Variants in HIF1AN observed in about 807,000 individuals in gnomAD.
HIF1AN encodes hypoxia-inducible factor 1-alpha inhibitor.
HIF1AN carries 21 observed loss-of-function variants against 47.7 expected under a neutral mutation model. The observed-to-expected ratio is 0.44, with a 90% CI of 0.31 to 0.63. HIF1AN has a LOEUF of 0.63. Among genes scored for constraint, HIF1AN ranks in the 30% least tolerant of loss-of-function variants. The pLI is 0.07. For synonymous variants in HIF1AN, 152 were observed against 155.9 expected (o/e 0.98, Z 0.18); for missense variants, 320 against 432.7 (o/e 0.74, Z 2.31).
rs777744858 is a variant in HIF1AN, at chr10:100,546,499, C to G, written c.831-19C>G. The G allele has an allele frequency of 6.8e-7, 1 of 1,474,868 alleles. No homozygotes were observed. The highest frequency in any genetic ancestry group is 1.1e-5 in the South Asian group (1 of 89,060). 91.4% of individuals were successfully genotyped at this position (1,474,868 alleles called of 1,614,324 possible). On this transcript the variant is annotated intron_variant, in intron 5 of 7. Transcript: ENST00000299163. ...CAAAAGTATCAGTAGTAAACAGGAG[C>G]CTGTTTGTTTTCTTGCAGGTGGCAT...
At position 100,556,820 on chromosome 10, in the gene HIF1AN, TA is replaced by T. The variant is rs1477022437; in HGVS notation, c.*8684del. ...AATAGCACATAACTTGTAGCATTGTTATAAGGGCTCGTGATAATGTTTTTAA... is the reference window on the plus strand; with the variant it reads ...AATAGCACATAACTTGTAGCATTGTTTAAGGGCTCGTGATAATGTTTTTAA... On this transcript the variant is annotated 3_prime_UTR_variant, in exon 8 of 8. Transcript: ENST00000299163. 1.6e-4 allele frequency: 25 copies of T among 152,340 alleles called. No individual in the cohort carries two copies. The highest frequency in any genetic ancestry group is 5.8e-4 in the African/African-American group (24 of 41,572). The allele number at this position is 152,340 out of a possible 1,614,324, so 9.4% of individuals were successfully genotyped here. A position where few individuals can be genotyped will look rare whatever the true frequency, so the allele number is the denominator to read the frequency against.
chr10:100,547,481 C>A lies in HIF1AN; in HGVS notation c.1005+231C>A, dbSNP rs368102176. On this transcript the variant is annotated intron_variant, in intron 7 of 7. Transcript: ENST00000299163. Reference sequence around the variant, plus strand: ...TAATGTTCCCCATGGGTATTATGTACCATCTGGGGACCCCCTGAGGGGATT... The same window carrying A: ...TAATGTTCCCCATGGGTATTATGTAACATCTGGGGACCCCCTGAGGGGATT... 2.6e-5 allele frequency among the ~76,000 whole-genome samples: 4 copies of A among 152,332 alleles called. No homozygotes were observed. The East Asian group carries it at 7.7e-4, about 29-fold the overall frequency.
intron 1 of HIF1AN, 132 bp from the exon 2 acceptor site, chr10:100,536,279 A>C: frequency 7.5e-7 from 1 of 1,324,898 alleles, no homozygotes; most frequent in Non-Finnish European, 1.0e-6. Flanking sequence ...GGAGATACGG[A>C]ACTTAGGGGT....
chr10:100,545,574 C>G (rs1020466808), intron 4 of HIF1AN: 2 of 217,260 alleles, frequency 9.2e-6, no homozygotes, highest in Non-Finnish European at 1.8e-5. Flanking sequence ...AGAAAGCTGT[C>G]TAGCTACTTC....
At position 100,548,220 on chromosome 10, in the gene HIF1AN, G is replaced by T; in HGVS notation, c.*83G>T. 1 of 1,209,414 alleles carries T rather than the reference G, an allele frequency of 8.3e-7. No homozygotes were observed. The highest frequency in any genetic ancestry group is 1.5e-5 in the South Asian group (1 of 67,444). The allele number at this position is 1,209,414 out of a possible 1,614,324, so 74.9% of individuals were successfully genotyped here. On this transcript the variant is annotated 3_prime_UTR_variant, in exon 8 of 8. Coordinates refer to ENST00000299163, the MANE Select transcript of HIF1AN (RefSeq NM_017902.3). The stretch of plus-strand genomic sequence containing the variant: ...TTGATGAGGACAGGAGACTCCAAGC[G>T]CTAGTATTGCACGCTGCACTTAATG...
In HIF1AN at chr10:100,557,635, G is replaced by A. The variant is rs865845773; in HGVS notation, c.*9498G>A. ...AATTTTGTATTTTTAGTAGAGATGG[G>A]GTTTCTCCATGTTGGTCAGGCTGGT... On this transcript the variant is annotated 3_prime_UTR_variant, in exon 8 of 8. Coordinates refer to ENST00000299163, the MANE Select transcript of HIF1AN (RefSeq NM_017902.3). The A allele has an allele frequency of 2.6e-5, 4 of 152,078 alleles. No homozygotes were observed. Among genetic ancestry groups the A allele is most frequent in the Non-Finnish European group, 5.9e-5 (4 of 68,024 alleles). The allele number at this position is 152,078 out of a possible 1,614,324, so 9.4% of individuals were successfully genotyped here.
In HIF1AN at chr10:100,546,829, T is replaced by C. The variant is rs181640014; in HGVS notation, c.894+248T>C. On this transcript the variant is annotated intron_variant, in intron 6 of 7. Coordinates refer to ENST00000299163, the MANE Select transcript of HIF1AN (RefSeq NM_017902.3). ...ATCTCGGCTCACTGCAACTTCTGCCTCCCGGGTTCAAGTGATTCTCCTGCC... is the reference window on the plus strand; with the variant it reads ...ATCTCGGCTCACTGCAACTTCTGCCCCCCGGGTTCAAGTGATTCTCCTGCC... 1.6e-4 allele frequency among the ~76,000 whole-genome samples: 24 copies of C among 152,146 alleles called. 1 individual carries two copies. The highest frequency in any genetic ancestry group is 3.9e-4 in the Admixed American group (6 of 15,276).
At position 100,557,480 on chromosome 10, in the gene HIF1AN, C is replaced by G. The variant is rs1455581351; in HGVS notation, c.*9343C>G. On this transcript the variant is annotated 3_prime_UTR_variant, in exon 8 of 8. Coordinates refer to ENST00000299163, the MANE Select transcript of HIF1AN (RefSeq NM_017902.3). ...GTTTTTTTGAGATGGAGTTTTCGCT[C>G]TTGTTGCCCAGGCTGGAGTGCAGTG... 1 of 152,284 alleles carries G rather than the reference C, an allele frequency of 6.6e-6. No homozygotes were observed. The highest frequency in any genetic ancestry group is 2.4e-5 in the African/African-American group (1 of 41,394). The allele number at this position is 152,284 out of a possible 1,614,324, so 9.4% of individuals were successfully genotyped here.
chr10:100,537,257 T>TA (rs1408978118), intron 2 of HIF1AN, among the ~76,000 whole-genome samples: 2 of 152,184 alleles, frequency 1.3e-5, no homozygotes, highest in Non-Finnish European at 2.9e-5. Flanking sequence ...GGTTGGGAGA[T>TA]ATTCCGATTT....
intron 2 of HIF1AN, among the ~76,000 whole-genome samples, chr10:100,537,914 C>T (rs1852247920): frequency 6.6e-6 from 1 of 152,100 alleles, no homozygotes; most frequent in South Asian, 2.1e-4. Context: ...TCGATCTGTC[C>T]ATGATGTCTT....
At position 100,545,102 on chromosome 10, in the gene HIF1AN, C is replaced by A. The variant is rs1445993224; in HGVS notation, c.723+6C>A. 3.1e-6 allele frequency: 5 copies of A among 1,613,706 alleles called. No homozygotes were observed. Among genetic ancestry groups the A allele is most frequent in the Non-Finnish European group, 4.2e-6 (5 of 1,179,794 alleles). Reference sequence around the variant, plus strand: ...CATGTGACAGACAGAGCCAGGTGAGCTTGTGTGGTCTGAGAAGGGTATAGA... The same window carrying A: ...CATGTGACAGACAGAGCCAGGTGAGATTGTGTGGTCTGAGAAGGGTATAGA... On this transcript the variant is annotated splice_donor_region_variant and intron_variant, in intron 4 of 7. Transcript: ENST00000299163.
intron 4 of HIF1AN, 196 bp downstream of exon 4, chr10:100,545,292 G>A: frequency 1.9e-6 from 1 of 532,486 alleles, no homozygotes. Context: ...ATGTTTGTAA[G>A]TATAACTAGC....
intron 2 of HIF1AN, among the ~76,000 whole-genome samples, chr10:100,538,861 A>G (rs1344494211): frequency 2.0e-5 from 3 of 151,076 alleles, no homozygotes; most frequent in African/African-American, 7.3e-5. Context: ...ATTGCCTTAA[A>G]CATTGTGATT....
At chr10:100,542,538 G>A (rs1843047625) in intron 3 of HIF1AN, among the ~76,000 whole-genome samples, 1 of 151,984 alleles carries the variant, frequency 6.6e-6, no homozygotes, top group African/African-American at 2.4e-5. Flanking sequence ...TGTACTTTTA[G>A]TAGAGATGGG....
Position 100,535,961 on chromosome 10 carries a change from G to GGCGGCGACA in HIF1AN, c.10_18dup (p.Thr4_Ala6dup), listed in dbSNP as rs1852211747. 3.2e-6 allele frequency: 5 copies of GGCGGCGACA among 1,549,318 alleles called. No individual in the cohort carries two copies. Among genetic ancestry groups the GGCGGCGACA allele is most frequent in the Admixed American group, 2.0e-5 (1 of 49,890 alleles). ...GGGGGCCGTCCCTGGCGGCGGAGAT[G>GGCGGCGACA]GCGGCGACAGCGGCGGAGGCTGTGG... is the stretch of plus-strand genomic sequence containing the variant. On this transcript the variant is annotated inframe_insertion, in exon 1 of 8. Coordinates refer to ENST00000299163, the MANE Select transcript of HIF1AN (RefSeq NM_017902.3).
chr10:100,542,651 G>A (rs1241184397), intron 3 of HIF1AN, among the ~76,000 whole-genome samples: 1 of 152,028 alleles, frequency 6.6e-6, no homozygotes, highest in African/African-American at 2.4e-5. Flanking sequence ...CACCGCGCCT[G>A]GCAAATTCAA....
chr10:100,554,039 T>C lies in HIF1AN; in HGVS notation c.*5902T>C, dbSNP rs762389128. ...CGAGAAACACCTTAGATAAACCATATTGAGTTGAGGGTAGACAGAAGAGTC... is the reference window on the plus strand; with the variant it reads ...CGAGAAACACCTTAGATAAACCATACTGAGTTGAGGGTAGACAGAAGAGTC... On this transcript the variant is annotated 3_prime_UTR_variant, in exon 8 of 8. Coordinates refer to ENST00000299163, the MANE Select transcript of HIF1AN (RefSeq NM_017902.3). 2.0e-5 allele frequency: 3 copies of C among 151,824 alleles called. No individual in the cohort carries two copies. The highest frequency in any genetic ancestry group is 4.4e-5 in the Non-Finnish European group (3 of 67,842). The allele number at this position is 151,824 out of a possible 1,614,324, so 9.4% of individuals were successfully genotyped here.
chr10:100,536,164 G>T, intron 1 of HIF1AN, 29 bp downstream of exon 1: 1 of 1,564,210 alleles, frequency 6.4e-7, no homozygotes, highest in Non-Finnish European at 8.7e-7. Context: ...TCTAAAGGGA[G>T]AGGAGGAAGG....
At chr10:100,539,793 G>C (rs1017529646) in intron 2 of HIF1AN, among the ~76,000 whole-genome samples, 3 of 152,192 alleles carry the variant, frequency 2.0e-5, no homozygotes, top group African/African-American at 4.8e-5. Context: ...CTCGCACACT[G>C]AGGGAACCAG....
Sources: gnomAD v4.1 joint callset for allele counts (sites outside exome capture counted in the v4.1 genomes callset) on GRCh38, gnomAD v4.1.1 for gene constraint, MANE v1.5 for transcripts, NCBI Gene and HGNC (gene_info 2026-07-23, HGNC 2026-07-21) for gene names.